Variants in MAF observed in about 807,000 individuals in gnomAD.
MAF encodes the protein MAF bZIP transcription factor, also known as transcription factor Maf.
A neutral mutation model predicts 22.0 loss-of-function variants in MAF; 10 were observed. The ratio of observed to expected loss-of-function variants is 0.45; its 90% CI spans 0.28 to 0.77. The LOEUF (loss-of-function observed/expected upper bound fraction) is 0.77, where lower values mean the gene tolerates loss of function less well. Among genes scored for constraint, MAF ranks in the 30% least tolerant of loss-of-function variants. MAF has a pLI of 0.12. For missense variants in MAF, 544 were observed against 548.4 expected, an observed-to-expected ratio of 0.99 and a Z score of 0.08; for synonymous variants, 337 against 255.8, an observed-to-expected ratio of 1.32 and a Z score of -3.03.
the MAF span, among the ~76,000 whole-genome samples, chr16:79,494,585 A>C: frequency 1.3e-5 from 2 of 152,066 alleles, no homozygotes; most frequent in African/African-American, 4.8e-5. Context: ...AACCTCAATC[A>C]CATCTGCAAA....
the MAF span, among the ~76,000 whole-genome samples, chr16:79,376,913 C>G: frequency 6.6e-6 from 1 of 152,186 alleles, no homozygotes; most frequent in East Asian, 1.9e-4. Flanking sequence ...TTTCTTAATC[C>G]AGTCTATCAT....
At chr16:79,484,602 G>A in the MAF span, among the ~76,000 whole-genome samples, 1 of 152,170 alleles carries the variant, frequency 6.6e-6, no homozygotes, top group Admixed American at 6.5e-5. Flanking sequence ...CTTGGAAAAG[G>A]CCCAGGGCAT....
the MAF span, among the ~76,000 whole-genome samples, chr16:79,562,323 T>C: frequency 1.3e-5 from 2 of 152,318 alleles, no homozygotes; most frequent in South Asian, 2.1e-4. Context: ...TTCCCATTGA[T>C]AGTCCCAGCA....
the MAF span, among the ~76,000 whole-genome samples, chr16:79,550,206 C>A: frequency 2.6e-5 from 4 of 151,830 alleles, no homozygotes; most frequent in African/African-American, 9.7e-5. Flanking sequence ...GACCATTTAC[C>A]AAAATGAACT....
chr16:79,385,877 C>A, the MAF span, among the ~76,000 whole-genome samples: 1 of 152,216 alleles, frequency 6.6e-6, no homozygotes, highest in East Asian at 1.9e-4. Flanking sequence ...ACTGCACTCC[C>A]ACCTGGGCTA....
At chr16:79,259,978 C>A in the MAF span, among the ~76,000 whole-genome samples, 3 of 152,276 alleles carry the variant, frequency 2.0e-5, no homozygotes, top group East Asian at 3.9e-4. Context: ...GGAAGTGTGA[C>A]ACAGCACAGT....
chr16:79,405,115 C>T, the MAF span, among the ~76,000 whole-genome samples: 8 of 152,288 alleles, frequency 5.3e-5, no homozygotes, highest in African/African-American at 1.2e-4. Flanking sequence ...CTCCCATATG[C>T]AGCAGTATGG....
At chr16:79,389,704 T>C in the MAF span, among the ~76,000 whole-genome samples, 36 of 151,892 alleles carry the variant, frequency 2.4e-4, no homozygotes, top group Non-Finnish European at 2.6e-4. Context: ...AGGCCGGGCA[T>C]GGTGGCTCAC....
the MAF span, among the ~76,000 whole-genome samples, chr16:79,232,572 G>T: frequency 1.3e-5 from 2 of 151,958 alleles, no homozygotes; most frequent in Non-Finnish European, 2.9e-5. Flanking sequence ...AATATTAGAA[G>T]GACATTTCAG....
At chr16:79,221,549 A>T in the MAF span, among the ~76,000 whole-genome samples, 3 of 152,254 alleles carry the variant, frequency 2.0e-5, no homozygotes, top group African/African-American at 7.2e-5. Flanking sequence ...TTAAAGTATT[A>T]AAATCACTAT....
the MAF span, among the ~76,000 whole-genome samples, chr16:79,400,411 A>G: frequency 6.6e-6 from 1 of 152,262 alleles, no homozygotes; most frequent in African/African-American, 2.4e-5. Flanking sequence ...GGAGAATTCC[A>G]ACCCCACAAG....
chr16:79,286,718 G>C, the MAF span, among the ~76,000 whole-genome samples: 1 of 152,164 alleles, frequency 6.6e-6, no homozygotes, highest in Non-Finnish European at 1.5e-5. Context: ...TTTAACAGGT[G>C]AAACAACCCA....
the MAF span, among the ~76,000 whole-genome samples, chr16:79,324,447 T>A: frequency 6.6e-6 from 1 of 152,188 alleles, no homozygotes; most frequent in Admixed American, 6.5e-5. Flanking sequence ...ACTTTGGGAC[T>A]CGAGTATGCA....
the MAF span, among the ~76,000 whole-genome samples, chr16:79,463,343 A>T: frequency 6.6e-6 from 1 of 152,166 alleles, no homozygotes; most frequent in African/African-American, 2.4e-5. Flanking sequence ...TTTTAATAAG[A>T]TCACTCTTGC....
the MAF span, among the ~76,000 whole-genome samples, chr16:79,320,132 C>T: frequency 1.3e-5 from 2 of 152,036 alleles, no homozygotes; most frequent in African/African-American, 4.8e-5. Context: ...GAAGGCAGAA[C>T]CCATGTCCAG....
At chr16:79,384,421 GGCAACAAGA>G in the MAF span, among the ~76,000 whole-genome samples, 1 of 141,356 alleles carries the variant, frequency 7.1e-6, no homozygotes. Flanking sequence ...TCCCAGCCTG[GGCAACAAGA>G]GCAAAACTCT....
intron 1 of MAF, chr16:79,594,811 C>T (rs1023151278): frequency 1.6e-6 from 2 of 1,269,780 alleles, no homozygotes; most frequent in East Asian, 6.7e-5. Context: ...TTAACCTTCT[C>T]TTACAGCCAG....
the MAF span, among the ~76,000 whole-genome samples, chr16:79,491,349 C>G: frequency 1.3e-5 from 2 of 152,178 alleles, no homozygotes; most frequent in Admixed American, 6.5e-5. Flanking sequence ...GGATAGAACC[C>G]TTGGTCTGCC....
At chr16:79,483,971 G>C in the MAF span, among the ~76,000 whole-genome samples, 1 of 152,180 alleles carries the variant, frequency 6.6e-6, no homozygotes, top group Non-Finnish European at 1.5e-5. Flanking sequence ...ACAAATACCA[G>C]TGGTGGTAGG....
Sources: gnomAD v4.1 joint callset for allele counts (sites outside exome capture counted in the v4.1 genomes callset) on GRCh38, gnomAD v4.1.1 for gene constraint, MANE v1.5 for transcripts, NCBI Gene and HGNC (gene_info 2026-07-23, HGNC 2026-07-21) for gene names.